The following NPAS3 variants were observed in gnomAD, a reference collection of about 807,000 sequenced individuals.
The protein encoded by NPAS3 is neuronal PAS domain-containing protein 3.
NPAS3 carries 14 observed loss-of-function variants against 73.1 expected under a neutral mutation model. The observed-to-expected ratio is 0.19, with a 90% CI of 0.13 to 0.30. The LOEUF (loss-of-function observed/expected upper bound fraction) is 0.30, where lower values mean the gene tolerates loss of function less well. Ranked by LOEUF, NPAS3 falls within the 10% of genes least tolerant of loss-of-function variation. The pLI is 1.00. For missense variants in NPAS3, 1,096 were observed against 1,250.0 expected, an observed-to-expected ratio of 0.88 and a Z score of 1.86; for synonymous variants, 620 against 541.5, an observed-to-expected ratio of 1.14 and a Z score of -2.01.
intron 5 of NPAS3, among the ~76,000 whole-genome samples, chr14:33,657,419 A>G (rs1333676349): frequency 6.6e-6 from 1 of 152,226 alleles, no homozygotes. Flanking sequence ...GACATAAAGA[A>G]GCCTGAATTC....
chr14:33,800,767 G>T lies in NPAS3; in HGVS notation c.2460G>T (p.Ala820=). ...CCCTGGCCGCCACCAGCACGGCCGCGCAGAGGGTCTACACCACGGGCACCA... is the reference window on the plus strand; with the variant it reads ...CCCTGGCCGCCACCAGCACGGCCGCTCAGAGGGTCTACACCACGGGCACCA... The change falls in exon 12 of 12, where the codon GCG becomes GCT. Residue 820 remains alanine, a synonymous_variant. Transcript: ENST00000356141. The surrounding 1 kb of genome is among the most constrained non-coding windows in gnomAD (Gnocchi z 6.5). 6.4e-7 allele frequency: 1 copy of T among 1,573,852 alleles called. No homozygotes were observed. The highest frequency in any genetic ancestry group is 1.2e-5 in the South Asian group (1 of 86,058).
At chr14:33,049,938 T>C (rs1209953451) in intron 1 of NPAS3, among the ~76,000 whole-genome samples, 1 of 152,238 alleles carries the variant, frequency 6.6e-6, no homozygotes, top group Non-Finnish European at 1.5e-5. Flanking sequence ...CAAGTTGCCC[T>C]CTTAGTTTTT....
chr14:33,677,904 T>TAGTCA (rs1328361135), intron 6 of NPAS3, among the ~76,000 whole-genome samples: 3 of 152,240 alleles, frequency 2.0e-5, no homozygotes, highest in African/African-American at 7.2e-5. Context: ...AACTGTTTTT[T>TAGTCA]AGTCAATAGA....
intron 2 of NPAS3, among the ~76,000 whole-genome samples, chr14:33,162,644 C>G (rs80313203): frequency 0.012 from 1,820 of 151,822 alleles, 34 homozygotes; most frequent in African/African-American, 0.041. Context: ...AGCTAGCAAC[C>G]AAACATCAAC....
At chr14:33,087,747 G>C (rs1441218988) in intron 2 of NPAS3, among the ~76,000 whole-genome samples, 1 of 152,130 alleles carries the variant, frequency 6.6e-6, no homozygotes, top group Non-Finnish European at 1.5e-5. Context: ...TGAATAGAGA[G>C]TGAAAATTCT....
chr14:33,676,966 C>T (rs188351435), intron 6 of NPAS3, among the ~76,000 whole-genome samples: 11 of 152,258 alleles, frequency 7.2e-5, no homozygotes, highest in Admixed American at 7.2e-4. Flanking sequence ...GGTGACATTC[C>T]TCATTGGGAT....
chr14:33,028,128 C>G (rs909182704), intron 1 of NPAS3, among the ~76,000 whole-genome samples: 21 of 152,272 alleles, frequency 1.4e-4, no homozygotes, highest in African/African-American at 4.6e-4. Context: ...ACACTCTAGT[C>G]TCTGTAGTGA....
upstream of NPAS3, among the ~76,000 whole-genome samples, chr14:32,938,637 C>T (rs1446662289): frequency 2.0e-5 from 3 of 151,748 alleles, no homozygotes; most frequent in Non-Finnish European, 3.0e-5. Flanking sequence ...CGTGTCCTCC[C>T]CCTTCCCGCT....
At chr14:33,124,078 T>C (rs1288259468) in intron 2 of NPAS3, among the ~76,000 whole-genome samples, 1 of 151,998 alleles carries the variant, frequency 6.6e-6, no homozygotes, top group Non-Finnish European at 1.5e-5. Flanking sequence ...GGTCTTGAAT[T>C]CCTGGGCTCA....
chr14:33,060,462 A>AC (rs1350144344), intron 2 of NPAS3, among the ~76,000 whole-genome samples: 2 of 152,180 alleles, frequency 1.3e-5, no homozygotes, highest in African/African-American at 4.8e-5. Context: ...GGATTCCTAG[A>AC]CTCCAAGTGT....
At chr14:33,073,249 A>G (rs1250780120) in intron 2 of NPAS3, among the ~76,000 whole-genome samples, 1 of 152,234 alleles carries the variant, frequency 6.6e-6, no homozygotes, top group African/African-American at 2.4e-5. Flanking sequence ...GTCTCAAAGA[A>G]GTTGCATGCC....
At chr14:33,637,827 C>G (rs1185350522) in intron 5 of NPAS3, among the ~76,000 whole-genome samples, 2 of 152,164 alleles carry the variant, frequency 1.3e-5, no homozygotes, top group Admixed American at 1.3e-4. Context: ...AAAACTTCCA[C>G]AAATCTAGAA....
At chr14:33,785,906 T>C (rs373432413) in intron 9 of NPAS3, among the ~76,000 whole-genome samples, 1 of 152,182 alleles carries the variant, frequency 6.6e-6, no homozygotes, top group African/African-American at 2.4e-5. Flanking sequence ...CAGTTCCTCA[T>C]AGGGCAATGT....
intron 5 of NPAS3, among the ~76,000 whole-genome samples, chr14:33,633,165 T>C (rs1203708732): frequency 6.6e-6 from 1 of 152,218 alleles, no homozygotes; most frequent in East Asian, 1.9e-4. Context: ...TATATGCATA[T>C]ACCATGCAAT....
At chr14:33,483,538 T>C (rs1455445983) in intron 4 of NPAS3, among the ~76,000 whole-genome samples, 1 of 152,124 alleles carries the variant, frequency 6.6e-6, no homozygotes, top group Admixed American at 6.6e-5. Context: ...AAAAGCTAAG[T>C]CAGAATGGTT....
At chr14:33,368,301 A>G (rs1353496455) in intron 4 of NPAS3, among the ~76,000 whole-genome samples, 1 of 144,212 alleles carries the variant, frequency 6.9e-6, no homozygotes, top group Non-Finnish European at 1.5e-5. Flanking sequence ...CTATTATGTG[A>G]TTCTGCGTTA....
intron 1 of NPAS3, among the ~76,000 whole-genome samples, chr14:32,976,326 C>T (rs1470593703): frequency 2.0e-5 from 3 of 152,136 alleles, no homozygotes; most frequent in African/African-American, 7.2e-5. Flanking sequence ...GTTGTGAATA[C>T]TCCAGGTGGT....
At chr14:33,115,464 T>C (rs1289171218) in intron 2 of NPAS3, among the ~76,000 whole-genome samples, 2 of 152,136 alleles carry the variant, frequency 1.3e-5, no homozygotes, top group East Asian at 3.9e-4. Flanking sequence ...AATGCTGGTG[T>C]CATAAGACAT....
intron 6 of NPAS3, among the ~76,000 whole-genome samples, chr14:33,716,900 C>T (rs977277247): frequency 3.9e-5 from 6 of 152,072 alleles, no homozygotes; most frequent in Non-Finnish European, 7.3e-5. Context: ...TCTCTCATTT[C>T]TTATATCCAT....
Sources: allele counts gnomAD v4.1 joint callset (sites outside exome capture counted in the v4.1 genomes callset), GRCh38; gene constraint gnomAD v4.1.1; non-coding constraint Gnocchi (gnomAD v3.1); transcripts MANE v1.5; gene names NCBI Gene and HGNC (gene_info 2026-07-23, HGNC 2026-07-21).